NCAPG2: variants seen among roughly 807,000 people sequenced by gnomAD.
NCAPG2 encodes the protein condensin-2 complex subunit G2.
NCAPG2 carries 53 observed loss-of-function variants against 141.1 expected under a neutral mutation model. The ratio of observed to expected loss-of-function variants is 0.38; its 90% CI spans 0.30 to 0.47. NCAPG2 has a LOEUF of 0.47. Among genes scored for constraint, NCAPG2 ranks in the 20% least tolerant of loss-of-function variants. The pLI, the probability that NCAPG2 is intolerant of heterozygous loss-of-function variation, is 0.99. For missense variants in NCAPG2, 1,087 were observed against 1,389.0 expected (o/e 0.78, Z 3.46); for synonymous variants, 499 against 490.7 (o/e 1.02, Z -0.22).
rs1211756483 is a variant in NCAPG2 at position 158,655,181 on chromosome 7, A to G, written c.2583T>C (p.Phe861=). The G allele has an allele frequency of 2.5e-6, 4 of 1,614,016 alleles. No homozygotes were observed. In the African/African-American group the frequency reaches 5.3e-5, roughly 22 times the overall value. The change falls in exon 21 of 28, where the codon TTT becomes TTC. Residue 861 remains phenylalanine (F), a synonymous_variant. Coordinates refer to ENST00000356309, the MANE Select transcript of NCAPG2 (RefSeq NM_017760.7). ...GFWLESKILS[F]IQDQEEDYLK... is the part of the protein sequence containing the mutation. ...GGTAGTCTTCTTCTTGATCTTGAAT[A>G]AAAGATAAAATTTTGCTTTCTAACC... is the stretch of plus-strand genomic sequence containing the variant.
At chr7:158,636,502 A>G (rs1446911840) in intron 27 of NCAPG2, among the ~76,000 whole-genome samples, 2 of 151,382 alleles carry the variant, frequency 1.3e-5, no homozygotes, top group African/African-American at 4.9e-5. Context: ...TCCGGGTTCA[A>G]GTGATTCTCC....
intron 27 of NCAPG2, among the ~76,000 whole-genome samples, chr7:158,635,904 TAC>T (rs1219736001): frequency 6.6e-6 from 1 of 152,246 alleles, no homozygotes; most frequent in Non-Finnish European, 1.5e-5. Flanking sequence ...TATTTTAAAA[TAC>T]AGTCTTAAAT....
chr7:158,677,524 G>GAAAAAAAAAAAAAAAAA (rs1491491903), intron 11 of NCAPG2, among the ~76,000 whole-genome samples: 1 of 5,080 alleles, frequency 2.0e-4, no homozygotes, highest in African/African-American at 8.5e-4. Context: ...TAAAAATAAA[G>GAAAAAAAAAAAAAAAAA]CAAAAAAAAA....
intron 27 of NCAPG2, among the ~76,000 whole-genome samples, chr7:158,637,607 T>C (rs1830375106): frequency 5.3e-4 from 1 of 1,876 alleles, no homozygotes; most frequent in Non-Finnish European, 1.2e-3. Flanking sequence ...TCCCCTGCGA[T>C]GGCTCCACAT....
Position 158,687,390 on chromosome 7 carries a change from A to G in NCAPG2, c.725T>C (p.Met242Thr), listed in dbSNP as rs182996819. The change falls in exon 7 of 28, where the codon ATG becomes ACG. Residue 242 changes from methionine (M) to threonine (T), a missense_variant. Physicochemically the swap from Met to Thr is moderately conservative, Grantham distance 81. Coordinates refer to ENST00000356309, the MANE Select transcript of NCAPG2 (RefSeq NM_017760.7). Reference protein sequence around the residue: ...LFNWNINFIKMIHGTIKNQLQ... With the variant: ...LFNWNINFIKTIHGTIKNQLQ... The stretch of plus-strand genomic sequence containing the variant: ...CTGGTTTTTAATGGTCCCGTGGATC[A>G]TTTTGATGAAGTTGATATTCCAGTT... 1.2e-5 allele frequency: 20 copies of G among 1,611,786 alleles called. No individual in the cohort carries two copies. In the Admixed American group the frequency reaches 2.7e-4, roughly 22 times the overall value.
Position 158,680,879 on chromosome 7 carries a change from GC to G in NCAPG2, c.925-64del, listed in dbSNP as rs558582424. On this transcript the variant is annotated intron_variant, in intron 9 of 27. Transcript: ENST00000356309. Reference sequence around the variant, plus strand: ...AAAAATAAATAAATAAAATAAAATGGCATTTGGAAAGAGCAACAGGGAGAAT... The same window carrying G: ...AAAAATAAATAAATAAAATAAAATGGATTTGGAAAGAGCAACAGGGAGAAT... 4.3e-4 allele frequency: 547 copies of G among 1,270,870 alleles called. 3 individuals carry two copies. The African/African-American group carries it at 6.2e-3, about 14-fold the overall frequency. The allele number at this position is 1,270,870 out of a possible 1,614,324, so 78.7% of individuals were successfully genotyped here. A position where few individuals can be genotyped will look rare whatever the true frequency, so the allele number is the denominator to read the frequency against.
intron 2 of NCAPG2, among the ~76,000 whole-genome samples, chr7:158,694,658 G>A (rs192868772): frequency 1.3e-5 from 2 of 152,102 alleles, no homozygotes; most frequent in African/African-American, 4.8e-5. Context: ...CTTCAAAACT[G>A]TCGGGGTCAT....
chr7:158,659,095 T>C (rs1299959795), intron 16 of NCAPG2, among the ~76,000 whole-genome samples: 1 of 148,774 alleles, frequency 6.7e-6, no homozygotes, highest in Non-Finnish European at 1.5e-5. Context: ...TTTGGGAGGC[T>C]GAGGCAGCTG....
intron 13 of NCAPG2, 106 bp downstream of exon 13, chr7:158,671,408 A>G (rs1417446951): frequency 1.5e-6 from 2 of 1,328,272 alleles, no homozygotes; most frequent in Admixed American, 1.9e-5. Context: ...TGGTCAAATC[A>G]TATCAGTTAT....
At position 158,645,631 on chromosome 7, in the gene NCAPG2, T is replaced by A; in HGVS notation, c.3180-12A>T. On this transcript the variant is annotated splice_polypyrimidine_tract_variant and intron_variant, in intron 25 of 27. Coordinates refer to ENST00000356309, the MANE Select transcript of NCAPG2 (RefSeq NM_017760.7). ...CATCCAAAAATGACCTGCAAAAAAA[T>A]CAACAAACATCAAAATTACTGTATC... 1 of 1,604,490 alleles carries A rather than the reference T, an allele frequency of 6.2e-7. No homozygotes were observed. Among genetic ancestry groups the A allele is most frequent in the Non-Finnish European group, 8.5e-7 (1 of 1,171,412 alleles).
chr7:158,651,017 G>T, intron 23 of NCAPG2, 45 bp from the exon 24 acceptor site: 1 of 1,515,888 alleles, frequency 6.6e-7, no homozygotes, highest in Non-Finnish European at 8.8e-7. Context: ...AAAAACCATG[G>T]TTTTGAAAAA....
chr7:158,671,086 GGGGGGT>G, intron 13 of NCAPG2, among the ~76,000 whole-genome samples: 1 of 143,114 alleles, frequency 7.0e-6, no homozygotes, highest in East Asian at 2.1e-4. Flanking sequence ...GTGTGGGGCA[GGGGGGT>G]GGGGGTGGGG....
At chr7:158,667,444 A>G (rs1833141649) in intron 13 of NCAPG2, among the ~76,000 whole-genome samples, 1 of 116,404 alleles carries the variant, frequency 8.6e-6, no homozygotes, top group South Asian at 2.9e-4. Context: ...CTCCTTACCC[A>G]CTACTGGGTC....
intron 27 of NCAPG2, among the ~76,000 whole-genome samples, chr7:158,637,578 C>CCGAGCCA (rs1461010958): frequency 4.5e-4 from 68 of 151,804 alleles, no homozygotes; most frequent in South Asian, 1.2e-3. Flanking sequence ...AGCTCCGGCT[C>CCGAGCCA]CAGCAGCTCC....
intron 4 of NCAPG2, 146 bp downstream of exon 4, chr7:158,692,696 G>A (rs1267910547): frequency 1.4e-5 from 9 of 623,086 alleles, no homozygotes; most frequent in Middle Eastern, 4.4e-4. Context: ...AGCTGAGATC[G>A]CGCCATTGCA....
At chr7:158,660,313 C>T (rs924125866) in intron 16 of NCAPG2, among the ~76,000 whole-genome samples, 1 of 151,862 alleles carries the variant, frequency 6.6e-6, no homozygotes, top group African/African-American at 2.4e-5. Flanking sequence ...CTGCCCTGTC[C>T]GCCAACCTAC....
intron 12 of NCAPG2, among the ~76,000 whole-genome samples, chr7:158,673,270 G>A (rs1011304061): frequency 2.0e-5 from 3 of 152,354 alleles, no homozygotes; most frequent in African/African-American, 7.2e-5. Context: ...TTGGATGGCA[G>A]CAGGTTTGGA....
intron 13 of NCAPG2, among the ~76,000 whole-genome samples, chr7:158,669,347 C>T (rs1309851205): frequency 1.3e-5 from 2 of 152,206 alleles, no homozygotes; most frequent in East Asian, 3.8e-4. Context: ...AATTGCCACA[C>T]TGTCTTCCAC....
chr7:158,645,008 CTACATTTTA>C (rs1254762648), intron 26 of NCAPG2, among the ~76,000 whole-genome samples: 1 of 152,164 alleles, frequency 6.6e-6, no homozygotes, highest in African/African-American at 2.4e-5. Flanking sequence ...AGGGATGTTA[CTACATTTTA>C]TACTGAGCTA....
Sources: gnomAD v4.1 joint callset for allele counts (sites outside exome capture counted in the v4.1 genomes callset) on GRCh38, gnomAD v4.1.1 for gene constraint, MANE v1.5 for transcripts, NCBI Gene and HGNC (gene_info 2026-07-23, HGNC 2026-07-21) for gene names.